ADGB: variants seen among roughly 807,000 people sequenced by gnomAD.
ADGB encodes the protein androglobin, also known as calpain-7-like protein.
In ADGB, 172 loss-of-function variants were observed where a neutral mutation model predicts 210.5. That is an observed-to-expected ratio of 0.82 (90% confidence interval 0.72 to 0.93). The LOEUF (loss-of-function observed/expected upper bound fraction) is 0.93. Among genes scored for constraint, ADGB ranks in the 40% least tolerant of loss-of-function variants. The pLI is 0.00. For synonymous variants in ADGB, 658 were observed against 662.7 expected, an observed-to-expected ratio of 0.99 and a Z score of 0.11; for missense variants, 2,025 against 1,964.8, an observed-to-expected ratio of 1.03 and a Z score of -0.58.
chr6:146,661,040 C>T (rs187715337), intron 5 of ADGB, among the ~76,000 whole-genome samples: 1 of 151,984 alleles, frequency 6.6e-6, no homozygotes, highest in Non-Finnish European at 1.5e-5. Context: ...TGCTTTCAAG[C>T]AAATCTCTTC....
rs1010410216 is a variant in ADGB, at chr6:146,716,372, A to T, written c.1742-511A>T. On this transcript the variant is annotated intron_variant, in intron 14 of 35. Transcript: ENST00000397944. ...TTTGGGAGGCCGAGGCGGGTGGATCATGAGGTCAGGAGATCGAGACCATCC... is the reference window on the plus strand; with the variant it reads ...TTTGGGAGGCCGAGGCGGGTGGATCTTGAGGTCAGGAGATCGAGACCATCC... Among the ~76,000 whole-genome samples, 29 of 145,506 alleles carry T rather than the reference A, an allele frequency of 2.0e-4. 1 individual carries two copies. Among genetic ancestry groups the T allele is most frequent in the Admixed American group, 2.7e-4 (4 of 15,086 alleles).
chr6:146,808,002 T>TG (rs1390245991), intron 35 of ADGB, among the ~76,000 whole-genome samples: 1 of 146,468 alleles, frequency 6.8e-6, no homozygotes, highest in Non-Finnish European at 1.5e-5. Context: ...GTTTTTTTTT[T>TG]TTTTTTTTTT....
intron 4 of ADGB, among the ~76,000 whole-genome samples, chr6:146,655,898 A>G (rs897469460): frequency 3.9e-5 from 6 of 152,176 alleles, no homozygotes. Context: ...AATATTAAAT[A>G]TTTAATTTCC....
intron 14 of ADGB, among the ~76,000 whole-genome samples, chr6:146,716,170 C>G (rs1370891131): frequency 1.3e-5 from 2 of 152,008 alleles, no homozygotes; most frequent in Non-Finnish European, 2.9e-5. Context: ...TTTGTTGCAC[C>G]AGATCTTTCA....
chr6:146,773,547 A>G lies in ADGB; in HGVS notation c.3862+4416A>G, dbSNP rs1777683794. 2.0e-5 allele frequency among the ~76,000 whole-genome samples: 3 copies of G among 152,298 alleles called. No individual in the cohort carries two copies. The South Asian group carries it at 6.2e-4, about 32-fold the overall frequency. ...AGTGCTATTATGTCCATCTTACTCA[A>G]CTTAGTAGTTTTCATGCATTCTTCT... On this transcript the variant is annotated intron_variant, in intron 29 of 35. Transcript: ENST00000397944.
chr6:146,760,264 C>T (rs1777465612), intron 27 of ADGB, among the ~76,000 whole-genome samples: 1 of 151,788 alleles, frequency 6.6e-6, no homozygotes. Flanking sequence ...CATTCAATTT[C>T]CTCACCCTCA....
chr6:146,669,713 C>T (rs1775980765), intron 7 of ADGB, among the ~76,000 whole-genome samples: 1 of 152,090 alleles, frequency 6.6e-6, no homozygotes, highest in Non-Finnish European at 1.5e-5. Context: ...TGTAGCAGGG[C>T]TCCTGTCCTG....
At position 146,717,540 on chromosome 6, in the gene ADGB, A is replaced by C. The variant is rs1247526394; in HGVS notation, c.1933A>C (p.Ile645Leu). 25 of 1,384,226 alleles carry C rather than the reference A, an allele frequency of 1.8e-5. No homozygotes were observed. Among genetic ancestry groups the C allele is most frequent in the Non-Finnish European group, 2.4e-5 (24 of 1,012,786 alleles). The allele number at this position is 1,384,226 out of a possible 1,614,324, so 85.7% of individuals were successfully genotyped here. The change falls in exon 16 of 36, where the codon ATA becomes CTA. Residue 645 changes from isoleucine to leucine, a missense_variant. Coordinates refer to ENST00000397944, the MANE Select transcript of ADGB (RefSeq NM_024694.4). ...TTAAAAATGTCTTTCTTTCAGAAAT[A>C]TATATATTTTCCACAAGCCAAGTTC... ...FEDFCVCFQN[I>L]YIFHKPSSYC...
intron 33 of ADGB, among the ~76,000 whole-genome samples, chr6:146,795,389 T>A (rs1338739709): frequency 6.6e-6 from 1 of 151,806 alleles, no homozygotes; most frequent in African/African-American, 2.4e-5. Flanking sequence ...AGGGAGAAAA[T>A]TTTTGCAAAC....
At chr6:146,726,564 A>G (rs1018342197) in intron 19 of ADGB, among the ~76,000 whole-genome samples, 1 of 152,156 alleles carries the variant, frequency 6.6e-6, no homozygotes, top group East Asian at 1.9e-4. Flanking sequence ...AAGATTTTGA[A>G]CTAAACACAT....
At chr6:146,645,538 T>C (rs1320635677) in intron 3 of ADGB, among the ~76,000 whole-genome samples, 1 of 152,188 alleles carries the variant, frequency 6.6e-6, no homozygotes, top group East Asian at 1.9e-4. Flanking sequence ...GCTATTACTT[T>C]CACCTAATGC....
chr6:146,692,534 G>A (rs902512248), intron 11 of ADGB, among the ~76,000 whole-genome samples: 1 of 152,212 alleles, frequency 6.6e-6, no homozygotes, highest in Admixed American at 6.5e-5. Context: ...ACTTGAAATA[G>A]CAGCAAATAC....
At chr6:146,641,678 G>A (rs1191271379) in intron 2 of ADGB, among the ~76,000 whole-genome samples, 4 of 151,922 alleles carry the variant, frequency 2.6e-5, no homozygotes, top group Admixed American at 2.6e-4. Context: ...TCAATAAATG[G>A]TGCTGAGATA....
At chr6:146,630,761 G>A (rs1159250689) in intron 1 of ADGB, among the ~76,000 whole-genome samples, 1 of 152,164 alleles carries the variant, frequency 6.6e-6, no homozygotes, top group Non-Finnish European at 1.5e-5. Flanking sequence ...CTTTCCAAGA[G>A]TTTAATTGTC....
intron 27 of ADGB, among the ~76,000 whole-genome samples, chr6:146,753,306 T>C (rs960008704): frequency 3.3e-5 from 5 of 152,072 alleles, no homozygotes; most frequent in Non-Finnish European, 7.4e-5. Context: ...TTTTAGCTTT[T>C]TTGCCAAAAC....
At chr6:146,773,126 G>A (rs1214534833) in intron 29 of ADGB, among the ~76,000 whole-genome samples, 1 of 151,552 alleles carries the variant, frequency 6.6e-6, no homozygotes, top group East Asian at 2.0e-4. Context: ...AAATGGTGGG[G>A]AGGAAAGATT....
intron 33 of ADGB, among the ~76,000 whole-genome samples, chr6:146,796,807 C>A (rs1176678850): frequency 6.6e-6 from 1 of 151,788 alleles, no homozygotes; most frequent in African/African-American, 2.4e-5. Context: ...ATTTCATGAC[C>A]AAGAACCCAA....
At chr6:146,616,385 C>G (rs1210713249) in intron 1 of ADGB, among the ~76,000 whole-genome samples, 1 of 151,412 alleles carries the variant, frequency 6.6e-6, no homozygotes, top group Non-Finnish European at 1.5e-5. Flanking sequence ...TCTGTTTACT[C>G]TGTTAATGTT....
chr6:146,695,413 C>A (rs1253684912), intron 12 of ADGB, among the ~76,000 whole-genome samples: 1 of 151,886 alleles, frequency 6.6e-6, no homozygotes, highest in Non-Finnish European at 1.5e-5. Context: ...TACACTGTAA[C>A]AATTGGATAT....
Sources: gnomAD v4.1 joint callset for allele counts (sites outside exome capture counted in the v4.1 genomes callset) on GRCh38, gnomAD v4.1.1 for gene constraint, MANE v1.5 for transcripts, NCBI Gene and HGNC (gene_info 2026-07-23, HGNC 2026-07-21) for gene names.